The following UBR3 variants were observed in gnomAD, a reference collection of about 807,000 sequenced individuals.
The protein encoded by UBR3 is ubiquitin protein ligase E3 component n-recognin 3.
Under a neutral mutation model 243.2 loss-of-function variants are expected in UBR3, and 85 were observed. That is an observed-to-expected ratio of 0.35 (90% CI 0.29 to 0.42). UBR3 has a LOEUF of 0.42. Ranked by LOEUF, UBR3 falls within the 10% of genes least tolerant of loss-of-function variation. UBR3 has a pLI of 1.00. For synonymous variants in UBR3, 748 were observed against 799.8 expected (o/e 0.94, Z 1.09); for missense variants, 1,686 against 2,300.8 (o/e 0.73, Z 5.47).
rs536076729 is a variant in UBR3, at chr2:170,072,951, A to G, written c.5020-477A>G. Among the ~76,000 whole-genome samples, 115 of 151,906 alleles carry G rather than the reference A, an allele frequency of 7.6e-4. 1 individual carries two copies. Among genetic ancestry groups the G allele is most frequent in the Non-Finnish European group, 1.2e-3 (83 of 67,936 alleles). On this transcript the variant is annotated intron_variant, in intron 35 of 38. Transcript: ENST00000272793. ...GGATTACCTGGCTCCTAACAATTCC[A>G]CCCCCCTTTTTAAAACTGATTTTGT...
chr2:169,936,292 C>T (rs2086325917), intron 19 of UBR3, among the ~76,000 whole-genome samples: 1 of 152,120 alleles, frequency 6.6e-6, no homozygotes, highest in Admixed American at 6.5e-5. Context: ...CTCCCGACCT[C>T]AGGTGATCCG....
At chr2:169,947,426 A>G (rs2086827206) in intron 21 of UBR3, 116 bp from the exon 22 acceptor site, 1 of 758,342 alleles carries the variant, frequency 1.3e-6, no homozygotes, top group South Asian at 5.7e-5. Context: ...GGATGAGACA[A>G]TAAGGGATTC....
At position 169,863,770 on chromosome 2, in the gene UBR3, C is replaced by T. The variant is rs556066334; in HGVS notation, c.546-8466C>T. 4.5e-4 allele frequency among the ~76,000 whole-genome samples: 69 copies of T among 152,278 alleles called. 2 individuals carry two copies. The South Asian group carries it at 0.014, about 31-fold the overall frequency. ...TTCTACCTGTAGCCGTAGTTCATTG[C>T]TGATGAAGTGACATGAATTTTAGGA... is the stretch of plus-strand genomic sequence containing the variant. On this transcript the variant is annotated intron_variant, in intron 1 of 38. Coordinates refer to ENST00000272793, the MANE Select transcript of UBR3 (RefSeq NM_172070.4).
intron 8 of UBR3, among the ~76,000 whole-genome samples, chr2:169,899,101 C>CA (rs1358791293): frequency 1.3e-5 from 2 of 152,040 alleles, no homozygotes; most frequent in Non-Finnish European, 2.9e-5. Context: ...GCCTCAGCCT[C>CA]CCGAGTAGCT....
At chr2:170,042,131 CCTT>C (rs1327646989) in intron 32 of UBR3, among the ~76,000 whole-genome samples, 1 of 152,168 alleles carries the variant, frequency 6.6e-6, no homozygotes, top group Non-Finnish European at 1.5e-5. Flanking sequence ...CTTATTTTCT[CCTT>C]CTCCCAACCC....
chr2:169,928,792 A>C lies in UBR3; in HGVS notation c.2490A>C (p.Leu830Phe). The change falls in exon 18 of 39, where the codon TTA becomes TTC. Residue 830 changes from leucine to phenylalanine, a missense_variant. Leu to Phe is a conservative substitution (Grantham distance 22). This residue lies in a region of UBR3 where 346 missense variants were observed against 585.8 expected (regional missense o/e 0.59). Transcript: ENST00000272793. ...GCAGTTACAGCTTTGAATCAGTTTT[A>C]TCAGCTGTAGCTGATTTTAAGGCTC... is the stretch of plus-strand genomic sequence containing the variant. ...IPGSYSFESV[L>F]SAVADFKAPV... The C allele has an allele frequency of 6.6e-7, 1 of 1,518,334 alleles. No individual in the cohort carries two copies. The highest frequency in any genetic ancestry group is 8.9e-7 in the Non-Finnish European group (1 of 1,123,346). The allele number at this position is 1,518,334 out of a possible 1,614,324, so 94.1% of individuals were successfully genotyped here. A position where few individuals can be genotyped will look rare whatever the true frequency, so the allele number is the denominator to read the frequency against.
In UBR3 at chr2:169,871,577, G is replaced by A. The variant is rs182670674; in HGVS notation, c.546-659G>A. On this transcript the variant is annotated intron_variant, in intron 1 of 38. Transcript: ENST00000272793. ...TGGCCAACCAACATGGTGAAACCTC[G>A]TTTCTACTAAAAATAAAAAAAATTA... is the stretch of plus-strand genomic sequence containing the variant. 4.4e-4 allele frequency among the ~76,000 whole-genome samples: 67 copies of A among 151,598 alleles called. 1 individual carries two copies. In the East Asian group the frequency reaches 0.012, roughly 27 times the overall value.
chr2:169,868,733 C>T lies in UBR3; in HGVS notation c.546-3503C>T, dbSNP rs146409920. Among the ~76,000 whole-genome samples the T allele has an allele frequency of 1.4e-3, 215 of 152,346 alleles. 2 individuals carry two copies. Among genetic ancestry groups the T allele is most frequent in the Admixed American group, 2.0e-3 (31 of 15,304 alleles). ...TTGTATAACCACAATGGCATTATCA[C>T]ACTAATAAAATCAACTGTAATGAAC... On this transcript the variant is annotated intron_variant, in intron 1 of 38. Transcript: ENST00000272793.
At chr2:169,926,342 C>G (rs567123881) in intron 14 of UBR3, among the ~76,000 whole-genome samples, 2 of 152,290 alleles carry the variant, frequency 1.3e-5, no homozygotes, top group South Asian at 2.1e-4. Flanking sequence ...TATCCCAGCA[C>G]TCTGGGAGGC....
At chr2:169,836,035 C>CTATATA (rs2082086203) in intron 1 of UBR3, among the ~76,000 whole-genome samples, 1 of 16,298 alleles carries the variant, frequency 6.1e-5, no homozygotes, top group Non-Finnish European at 1.1e-4. Flanking sequence ...CTCTCTCTCT[C>CTATATA]TCTCTCTCTA....
chr2:169,875,160 T>C (rs1470872034), intron 2 of UBR3, among the ~76,000 whole-genome samples: 1 of 152,174 alleles, frequency 6.6e-6, no homozygotes, highest in African/African-American at 2.4e-5. Context: ...GTTATACAGG[T>C]TTAAATTTGA....
Position 170,082,764 on chromosome 2 carries a change from A to T in UBR3, c.*921A>T, listed in dbSNP as rs1301099520. 1 of 152,256 alleles carries T rather than the reference A, an allele frequency of 6.6e-6. No individual in the cohort carries two copies. Among genetic ancestry groups the T allele is most frequent in the African/African-American group, 2.4e-5 (1 of 41,448 alleles). 9.4% of individuals were successfully genotyped at this position (152,256 alleles called of 1,614,324 possible). The stretch of plus-strand genomic sequence containing the variant: ...CCCAGAAATGAACCATAAATTTTGG[A>T]ACTTCCTTTCAGCTCAAGAGGTTCA... On this transcript the variant is annotated 3_prime_UTR_variant, in exon 39 of 39. Transcript: ENST00000272793.
intron 10 of UBR3, among the ~76,000 whole-genome samples, chr2:169,906,444 T>C (rs2085011950): frequency 1.7e-4 from 1 of 5,846 alleles, no homozygotes; most frequent in Admixed American, 3.8e-3. Context: ...GCCTAATGCT[T>C]CTTTCTTTCA....
intron 19 of UBR3, among the ~76,000 whole-genome samples, chr2:169,934,241 T>C (rs1262327814): frequency 6.6e-6 from 1 of 152,224 alleles, no homozygotes; most frequent in Non-Finnish European, 1.5e-5. Context: ...ATGGAAAACC[T>C]TATTGAGACT....
chr2:169,847,620 A>G (rs1272542704), intron 1 of UBR3, among the ~76,000 whole-genome samples: 1 of 152,110 alleles, frequency 6.6e-6, no homozygotes, highest in East Asian at 1.9e-4. Context: ...TTACCCATCT[A>G]CTTACTATTT....
intron 8 of UBR3, among the ~76,000 whole-genome samples, chr2:169,900,984 T>G (rs1397367991): frequency 1.3e-5 from 2 of 152,212 alleles, no homozygotes; most frequent in African/African-American, 4.8e-5. Context: ...ATTATGTGGT[T>G]TACCCTTTTT....
intron 8 of UBR3, among the ~76,000 whole-genome samples, chr2:169,897,997 TAAG>T (rs1444447297): frequency 6.6e-6 from 1 of 152,146 alleles, no homozygotes; most frequent in Non-Finnish European, 1.5e-5. Flanking sequence ...ATGACACAGT[TAAG>T]AAGGATTTCC....
Position 169,846,771 on chromosome 2 carries a change from C to A in UBR3, c.545+18719C>A, listed in dbSNP as rs2082495123. ...TTTTGGAGACAGCATCTCACCCTGT[C>A]ATTCAGGCTGGAGCGCAGTGGCACA... On this transcript the variant is annotated intron_variant, in intron 1 of 38. Transcript: ENST00000272793. Among the ~76,000 whole-genome samples the A allele has an allele frequency of 2.0e-5, 3 of 152,004 alleles. No individual in the cohort carries two copies. In the South Asian group the frequency reaches 6.2e-4, roughly 32 times the overall value.
In UBR3 at chr2:169,903,628, T is replaced by A. The variant is rs1218365204; in HGVS notation, c.1466-1486T>A. 2.6e-5 allele frequency among the ~76,000 whole-genome samples: 4 copies of A among 152,346 alleles called. No individual in the cohort carries two copies. In the East Asian group the frequency reaches 7.7e-4, roughly 29 times the overall value. ...AATTCTGTGGACTGAAACCTAAGTT[T>A]AATGTGTGGAAATTAAAAAGTGCAG... is the stretch of plus-strand genomic sequence containing the variant. On this transcript the variant is annotated intron_variant, in intron 8 of 38. Transcript: ENST00000272793.
Sources: gnomAD v4.1 joint callset for allele counts (sites outside exome capture counted in the v4.1 genomes callset) on GRCh38, gnomAD v4.1.1 for gene constraint, gnomAD v4.1.1 regional missense constraint, MANE v1.5 for transcripts, NCBI Gene and HGNC (gene_info 2026-07-23, HGNC 2026-07-21) for gene names.